CFTR: variants seen among roughly 807,000 people sequenced by gnomAD.
CFTR encodes the protein cystic fibrosis transmembrane conductance regulator.
In CFTR, 181 loss-of-function variants were observed where a neutral mutation model predicts 171.6. That is an observed-to-expected ratio of 1.05 (90% CI 0.93 to 1.19). CFTR has a LOEUF of 1.19. Among genes scored for constraint, CFTR ranks in the 50% most tolerant of loss-of-function variants. The pLI is 0.00. For missense variants in CFTR, 1,968 were observed against 1,734.7 expected (o/e 1.13, Z -2.39); for synonymous variants, 583 against 608.0 (o/e 0.96, Z 0.60).
At chr7:117,612,758 A>T (rs186712262) in intron 20 of CFTR, among the ~76,000 whole-genome samples, 1 of 152,230 alleles carries the variant, frequency 6.6e-6, no homozygotes, top group East Asian at 1.9e-4. Flanking sequence ...AACAGGCACA[A>T]GAGAGTCAGC....
At chr7:117,596,936 G>A (rs1365401063) in intron 15 of CFTR, among the ~76,000 whole-genome samples, 1 of 152,078 alleles carries the variant, frequency 6.6e-6, no homozygotes, top group Non-Finnish European at 1.5e-5. Flanking sequence ...TCTAGCTCAG[G>A]GATTGTAAAC....
At chr7:117,540,019 G>A in intron 7 of CFTR, 81 bp from the exon 8 acceptor site, 2 of 1,196,380 alleles carry the variant, frequency 1.7e-6, no homozygotes, top group South Asian at 2.6e-5. Flanking sequence ...TAGAGACCAT[G>A]CTCAGATCTT....
chr7:117,501,777 A>AAAAAAAAC (rs1798334642), intron 1 of CFTR, among the ~76,000 whole-genome samples: 1 of 135,742 alleles, frequency 7.4e-6, no homozygotes, highest in Non-Finnish European at 1.6e-5. Flanking sequence ...AAAAAGAAAC[A>AAAAAAAAC]AAAAAAAAAA....
intron 12 of CFTR, among the ~76,000 whole-genome samples, chr7:117,590,076 G>A (rs1440360194): frequency 6.6e-6 from 1 of 151,968 alleles, no homozygotes; most frequent in African/African-American, 2.4e-5. Context: ...GCCACTTACA[G>A]TTAGCAAAAT....
intron 11 of CFTR, among the ~76,000 whole-genome samples, chr7:117,563,520 GA>G (rs4148707): frequency 0.037 from 5,650 of 151,922 alleles, 139 homozygotes; most frequent in African/African-American, 0.045. Flanking sequence ...CAAGAAATTA[GA>G]AGAGGGGAGA....
At chr7:117,575,699 C>T (rs1328960416) in intron 11 of CFTR, among the ~76,000 whole-genome samples, 1 of 152,066 alleles carries the variant, frequency 6.6e-6, no homozygotes, top group East Asian at 1.9e-4. Context: ...CAGCCTTCTA[C>T]CCTTCTTTCC....
chr7:117,603,610 G>T lies in CFTR; in HGVS notation c.2736G>T (p.Ser912=), dbSNP rs200901072. ...CAGTGATTATCACCAGCACCAGTTC[G>T]TATTATGTGTTTTACATTTACGTGG... The part of the protein sequence containing the change: ...SYAVIITSTS[S]YYVFYIYVGV... The change falls in exon 17 of 27, where the codon TCG becomes TCT. Residue 912 remains serine, a synonymous_variant. Transcript: ENST00000003084. 1 of 1,613,996 alleles carries T rather than the reference G, an allele frequency of 6.2e-7. No individual in the cohort carries two copies. Among genetic ancestry groups the T allele is most frequent in the Non-Finnish European group, 8.5e-7 (1 of 1,179,904 alleles).
chr7:117,613,777 A>G (rs952386352), intron 20 of CFTR, among the ~76,000 whole-genome samples: 3 of 152,066 alleles, frequency 2.0e-5, no homozygotes, highest in Non-Finnish European at 2.9e-5. Context: ...ATTTCTCCCA[A>G]TTGTAGAATC....
chr7:117,655,895 G>A (rs1321348374), intron 24 of CFTR, among the ~76,000 whole-genome samples: 1 of 152,048 alleles, frequency 6.6e-6, no homozygotes, highest in African/African-American at 2.4e-5. Context: ...GAGTGGGCAG[G>A]CTAGCTCTCT....
In CFTR at chr7:117,540,370, A is replaced by G. The variant is rs559261259; in HGVS notation, c.1116+24A>G. 38 of 1,596,968 alleles carry G rather than the reference A, an allele frequency of 2.4e-5. No individual in the cohort carries two copies. The South Asian group carries it at 3.0e-4, about 13-fold the overall frequency. On this transcript the variant is annotated intron_variant, in intron 8 of 26. Transcript: ENST00000003084. ...AGGTAATGTACCATAATGCTGCATT[A>G]TATACTATGATTTAAATAATCAGTC...
intron 22 of CFTR, among the ~76,000 whole-genome samples, chr7:117,631,171 A>G (rs1356345935): frequency 6.6e-6 from 1 of 152,064 alleles, no homozygotes; most frequent in Non-Finnish European, 1.5e-5. Flanking sequence ...AAAGCAATAT[A>G]GTCGAAAACT....
intron 11 of CFTR, among the ~76,000 whole-genome samples, chr7:117,579,275 G>T (rs1470001094): frequency 6.6e-6 from 1 of 151,790 alleles, no homozygotes; most frequent in Admixed American, 6.6e-5. Flanking sequence ...ATCTTAAAAA[G>T]TGAACCCTCT....
chr7:117,592,141 A>G lies in CFTR; in HGVS notation c.1974A>G (p.Arg658=), dbSNP rs2116031024. ...TCGACCAATTTAGTGCAGAAAGAAG[A>G]AATTCAATCCTAACTGAGACCTTAC... ...DSFDQFSAER[R]NSILTETLHR... The change falls in exon 14 of 27, where the codon AGA becomes AGG. Residue 658 remains arginine (R), a synonymous_variant. Coordinates refer to ENST00000003084, the MANE Select transcript of CFTR (RefSeq NM_000492.4). The G allele has an allele frequency of 6.2e-7, 1 of 1,614,076 alleles. No individual in the cohort carries two copies. Among genetic ancestry groups the G allele is most frequent in the South Asian group, 1.1e-5 (1 of 91,086 alleles).
chr7:117,602,783 A>G (rs755093165), intron 15 of CFTR, 43 bp from the exon 16 acceptor site: 2 of 1,569,328 alleles, frequency 1.3e-6, no homozygotes, highest in Non-Finnish European at 1.8e-6. Context: ...GGAATAGGTG[A>G]AGATGTTAGA....
At chr7:117,636,366 C>T (rs1016406971) in intron 22 of CFTR, among the ~76,000 whole-genome samples, 8 of 151,842 alleles carry the variant, frequency 5.3e-5, no homozygotes, top group African/African-American at 1.5e-4. Flanking sequence ...GCCTTTGTGT[C>T]GGATTTTTTT....
intron 3 of CFTR, among the ~76,000 whole-genome samples, chr7:117,525,356 C>G (rs1471297676): frequency 7.8e-5 from 11 of 141,862 alleles, no homozygotes; most frequent in African/African-American, 1.3e-4. Flanking sequence ...AATGTATATT[C>G]TGTTGATTTG....
At chr7:117,578,763 T>A (rs532662915) in intron 11 of CFTR, among the ~76,000 whole-genome samples, 12 of 152,138 alleles carry the variant, frequency 7.9e-5, no homozygotes, top group Non-Finnish European at 1.3e-4. Flanking sequence ...TAGATCTTTT[T>A]GAAGTAATTC....
At chr7:117,513,219 C>A (rs888321562) in intron 3 of CFTR, among the ~76,000 whole-genome samples, 2 of 151,948 alleles carry the variant, frequency 1.3e-5, no homozygotes, top group African/African-American at 4.8e-5. Context: ...AGCTTGTATA[C>A]CATCTTGAGG....
chr7:117,590,498 T>C (rs561852327), intron 13 of CFTR, 59 bp downstream of exon 13: 8 of 1,553,764 alleles, frequency 5.1e-6, no homozygotes, highest in Admixed American at 1.8e-5. Context: ...AAAGACAGAC[T>C]GTCCCATCAT....
Sources: allele counts gnomAD v4.1 joint callset (sites outside exome capture counted in the v4.1 genomes callset), GRCh38; gene constraint gnomAD v4.1.1; transcripts MANE v1.5; gene names NCBI Gene and HGNC (gene_info 2026-07-23, HGNC 2026-07-21).